The following CROCC variants were observed in gnomAD, a reference collection of about 807,000 sequenced individuals.
The protein encoded by CROCC is rootletin.
In CROCC, 180 loss-of-function variants were observed where a neutral mutation model predicts 245.2. The observed-to-expected ratio is 0.73, with a 90% CI of 0.65 to 0.83. The LOEUF is 0.83. Among genes scored for constraint, CROCC ranks in the 40% least tolerant of loss-of-function variants. The pLI, the probability that CROCC is intolerant of heterozygous loss-of-function variation, is 0.00. For synonymous variants in CROCC, 1,205 were observed against 1,241.6 expected, an observed-to-expected ratio of 0.97 and a Z score of 0.62; for missense variants, 2,688 against 2,779.4, an observed-to-expected ratio of 0.97 and a Z score of 0.74.
chr1:16,939,267 C>T (rs1226283235), intron 12 of CROCC, 125 bp downstream of exon 12: 2 of 876,742 alleles, frequency 2.3e-6, no homozygotes, highest in South Asian at 2.5e-5. Flanking sequence ...TCTGAGCGCC[C>T]TGGGGTGCAG....
Position 16,972,508 on chromosome 1 carries a change from A to C in CROCC, c.*62A>C. On this transcript the variant is annotated 3_prime_UTR_variant, in exon 37 of 37. Coordinates refer to ENST00000375541, the MANE Select transcript of CROCC (RefSeq NM_014675.5). ...GGACAGGGGAGGACCCTTCTTTTGGACAGCCCCCCCACCCAGAGCCCGGTC... is the reference window on the plus strand; with the variant it reads ...GGACAGGGGAGGACCCTTCTTTTGGCCAGCCCCCCCACCCAGAGCCCGGTC... 1.8e-6 allele frequency: 2 copies of C among 1,128,418 alleles called. No homozygotes were observed. Among genetic ancestry groups the C allele is most frequent in the Non-Finnish European group, 2.5e-6 (2 of 809,902 alleles). 69.9% of individuals were successfully genotyped at this position (1,128,418 alleles called of 1,614,324 possible).
intron 7 of CROCC, among the ~76,000 whole-genome samples, chr1:16,931,073 CAA>C (rs2075665629): frequency 6.6e-6 from 1 of 152,294 alleles, no homozygotes; most frequent in Non-Finnish European, 1.5e-5. Flanking sequence ...CTCTTGCAGC[CAA>C]AAGAGGACTT....
intron 13 of CROCC, among the ~76,000 whole-genome samples, chr1:16,943,792 T>G (rs2075985600): frequency 6.6e-6 from 1 of 152,284 alleles, no homozygotes; most frequent in Non-Finnish European, 1.5e-5. Context: ...GCAGAGCTGG[T>G]GGCACAATTG....
Position 16,937,693 on chromosome 1 carries a change from A to G in CROCC, c.1246A>G (p.Lys416Glu), listed in dbSNP as rs2075822045. Residue 416 changes from lysine to glutamate, a missense_variant, in exon 10 of 37, where the codon AAG becomes GAG. Lys to Glu is a moderately conservative substitution (Grantham distance 56). Coordinates refer to ENST00000375541, the MANE Select transcript of CROCC (RefSeq NM_014675.5). ...VKRLEKQNLE[K>E]DQVNKDLTEK... ...GCGTCTTGAGAAGCAGAATCTGGAG[A>G]AGGATCAGGTCAACAAGGACCTCAC... 1 of 1,611,404 alleles carries G rather than the reference A, an allele frequency of 6.2e-7. No homozygotes were observed. Among genetic ancestry groups the G allele is most frequent in the Non-Finnish European group, 8.5e-7 (1 of 1,179,566 alleles).
chr1:16,970,965 G>A (rs750948786), intron 35 of CROCC, 198 bp downstream of exon 35: 3 of 539,886 alleles, frequency 5.6e-6, no homozygotes, highest in Non-Finnish European at 9.2e-6. Flanking sequence ...AGGCCTGTTT[G>A]CACGTGAGCC....
rs79368694 is a variant in CROCC, at chr1:16,971,752, C to T, written c.5967+105C>T. 2,085 of 1,184,370 alleles carry T rather than the reference C, an allele frequency of 1.8e-3. 30 individuals carry two copies. The African/African-American group carries it at 0.026, about 15-fold the overall frequency. The allele number at this position is 1,184,370 out of a possible 1,614,324, so 73.4% of individuals were successfully genotyped here. ...GTGGGTATAGGCAGTCGATGGCTCC[C>T]GTAACCGAAAAGGGTGGGGTTGGCT... On this transcript the variant is annotated intron_variant, in intron 36 of 36. Coordinates refer to ENST00000375541, the MANE Select transcript of CROCC (RefSeq NM_014675.5).
intron 31 of CROCC, 128 bp from the exon 32 acceptor site, chr1:16,968,988 A>T: frequency 1.1e-6 from 1 of 927,400 alleles, no homozygotes; most frequent in Non-Finnish European, 1.7e-6. Context: ...ACTGGGTCTC[A>T]ATGATGGAGG....
chr1:16,935,072 G>C (rs538647415), intron 8 of CROCC, among the ~76,000 whole-genome samples: 2 of 152,140 alleles, frequency 1.3e-5, no homozygotes, highest in East Asian at 1.9e-4. Context: ...GCTAAGTTTT[G>C]TATTTTTAGT....
chr1:16,966,495 G>A lies in CROCC; in HGVS notation c.4784G>A (p.Arg1595His), dbSNP rs372759093. The change falls in exon 30 of 37, where the codon CGC becomes CAC. Residue 1595 changes from arginine (R) to histidine (H), a missense_variant. By Grantham distance (29) the Arg-to-His change is conservative. This residue lies in a region of CROCC where 1,218 missense variants were observed against 1,286.3 expected (regional missense o/e 0.95). Transcript: ENST00000375541. This position sits in a 1 kb window ranked among gnomAD's most constrained non-coding sequence, Gnocchi z 4.8. ...EESVRRSERE[R>H]RATLDQVATL... ...AGTGTGCGGCGCAGTGAGCGGGAGC[G>A]CCGGGCCACGCTGGACCAGGTGGCC... is the stretch of plus-strand genomic sequence containing the variant. 2.3e-5 allele frequency: 35 copies of A among 1,532,198 alleles called. No individual in the cohort carries two copies. The highest frequency in any genetic ancestry group is 2.3e-4 in the Middle Eastern group (1 of 4,392). 94.9% of individuals were successfully genotyped at this position (1,532,198 alleles called of 1,614,324 possible). A position where few individuals can be genotyped will look rare whatever the true frequency, so the allele number is the denominator to read the frequency against.
rs561797425 is a variant in CROCC, at chr1:16,945,677, A to G, written c.2136+71A>G. 565 of 1,499,618 alleles carry G rather than the reference A, an allele frequency of 3.8e-4. 5 individuals are homozygous for G. Among genetic ancestry groups the G allele is most frequent in the Middle Eastern group, 2.9e-3 (14 of 4,820 alleles). The allele number at this position is 1,499,618 out of a possible 1,614,324, so 92.9% of individuals were successfully genotyped here. On this transcript the variant is annotated intron_variant, in intron 15 of 36. Coordinates refer to ENST00000375541, the MANE Select transcript of CROCC (RefSeq NM_014675.5). ...CAGCCCCAAGCCTTGTCACTCTGGC[A>G]CAGACTGGTCCCAGTGTCAGGCAGA... is the stretch of plus-strand genomic sequence containing the variant.
At chr1:16,941,615 C>G (rs948551705) in intron 13 of CROCC, among the ~76,000 whole-genome samples, 1 of 152,174 alleles carries the variant, frequency 6.6e-6, no homozygotes, top group African/African-American at 2.4e-5. Flanking sequence ...ACCTATAGTC[C>G]CAGCTACTTG....
chr1:16,960,942 G>C lies in CROCC; in HGVS notation c.4217G>C (p.Ser1406Thr). The part of the protein sequence containing the change: ...AEAAELGLRL[S>T]AAEGRAQGLE... ...GCTGCAGAGCTGGGCCTGCGGCTGA[G>C]CGCAGCCGAGGGCCGGGCACAAGGC... Residue 1406 changes from serine to threonine, a missense_variant, in exon 27 of 37, where the codon AGC (serine) becomes ACC (threonine). By Grantham distance (58) the Ser-to-Thr change is moderately conservative. Transcript: ENST00000375541. The C allele has an allele frequency of 7.0e-7, 1 of 1,430,740 alleles. No individual in the cohort carries two copies. Among genetic ancestry groups the C allele is most frequent in the South Asian group, 1.4e-5 (1 of 69,182 alleles). 88.6% of individuals were successfully genotyped at this position (1,430,740 alleles called of 1,614,324 possible).
intron 1 of CROCC, among the ~76,000 whole-genome samples, chr1:16,916,065 A>C (rs2075299804): frequency 6.6e-6 from 1 of 152,218 alleles, no homozygotes; most frequent in South Asian, 2.1e-4. Flanking sequence ...AATCCCAGCT[A>C]CTCGGGAGGC....
At chr1:16,950,602 C>A (rs2076142625) in intron 19 of CROCC, among the ~76,000 whole-genome samples, 1 of 152,256 alleles carries the variant, frequency 6.6e-6, no homozygotes, top group African/African-American at 2.4e-5. Flanking sequence ...AGGTGATCCA[C>A]CTGCCCCAGC....
chr1:16,964,282 AC>A (rs199578833), intron 27 of CROCC, among the ~76,000 whole-genome samples: 2,498 of 151,494 alleles, frequency 0.016, 76 homozygotes, highest in African/African-American at 0.057. Flanking sequence ...GGTAGCTGGG[AC>A]TATAAGCGTG....
At chr1:16,969,577 C>T (rs890367533) in intron 32 of CROCC, among the ~76,000 whole-genome samples, 2 of 152,140 alleles carry the variant, frequency 1.3e-5, no homozygotes, top group African/African-American at 4.8e-5. Flanking sequence ...GACCCAGGGG[C>T]AGGGTTTATT....
intron 27 of CROCC, among the ~76,000 whole-genome samples, chr1:16,965,221 A>G (rs2076398194): frequency 6.6e-6 from 1 of 152,240 alleles, no homozygotes; most frequent in Non-Finnish European, 1.5e-5. Flanking sequence ...AGTGCCTAGC[A>G]CAGTGGGCAC....
In CROCC at chr1:16,961,201, C is replaced by T. The variant is rs2076327880; in HGVS notation, c.4405+71C>T. ...GCACTGAGGCCCCGCCCCCACATGG[C>T]AGGGTGTTTTTGTTTTTGTTTTTGT... On this transcript the variant is annotated intron_variant, in intron 27 of 36. Transcript: ENST00000375541. 2.2e-5 allele frequency: 27 copies of T among 1,234,586 alleles called. No homozygotes were observed. In the South Asian group the frequency reaches 7.4e-4, roughly 34 times the overall value. 76.5% of individuals were successfully genotyped at this position (1,234,586 alleles called of 1,614,324 possible).
At chr1:16,943,133 T>C (rs1246178997) in intron 13 of CROCC, among the ~76,000 whole-genome samples, 2 of 152,246 alleles carry the variant, frequency 1.3e-5, no homozygotes, top group Non-Finnish European at 2.9e-5. Context: ...TCCCAGCTAC[T>C]TGGGAGGCTG....
Sources: allele counts gnomAD v4.1 joint callset (sites outside exome capture counted in the v4.1 genomes callset), GRCh38; gene constraint gnomAD v4.1.1; regional missense constraint gnomAD v4.1.1; non-coding constraint Gnocchi (gnomAD v3.1); transcripts MANE v1.5; gene names NCBI Gene and HGNC (gene_info 2026-07-23, HGNC 2026-07-21).